The following SMARCD1 variants were observed in gnomAD, a reference collection of about 807,000 sequenced individuals.
SMARCD1 encodes the protein SWI/SNF-related matrix-associated actin-dependent regulator of chromatin subfamily D member 1.
A neutral mutation model predicts 70.8 loss-of-function variants in SMARCD1; 16 were observed. The observed-to-expected ratio is 0.23, with a 90% CI of 0.15 to 0.34. The LOEUF is 0.34. Among genes scored for constraint, SMARCD1 ranks in the 10% least tolerant of loss-of-function variants. The pLI, the probability that SMARCD1 is intolerant of heterozygous loss-of-function variation, is 1.00. For missense variants in SMARCD1, 409 were observed against 655.5 expected (o/e 0.62, Z 4.11); for synonymous variants, 249 against 246.0 (o/e 1.01, Z -0.11).
In SMARCD1 at chr12:50,090,512, T is replaced by C. The variant is rs1329250524; in HGVS notation, c.1055T>C (p.Met352Thr). 2 of 1,613,990 alleles carry C rather than the reference T, an allele frequency of 1.2e-6. No homozygotes were observed. Among genetic ancestry groups the C allele is most frequent in the South Asian group, 1.1e-5 (1 of 91,074 alleles). The change falls in exon 9 of 13, where the codon ATG becomes ACG. Residue 352 changes from methionine (M) to threonine (T), a missense_variant. Transcript: ENST00000394963. ...YLQQIFESQR[M>T]KFSEIPQRLH... ...CTACAGATCTTTGAGTCTCAACGTA[T>C]GAAGTTTTCAGAGATCCCTCAGCGG...
At chr12:50,085,705 G>A (rs780138983) in intron 1 of SMARCD1, 159 bp downstream of exon 1, 75 of 491,894 alleles carry the variant, frequency 1.5e-4, no homozygotes, top group Non-Finnish European at 2.3e-4. Flanking sequence ...GAGAGGGGGA[G>A]GCAGTTACAC....
In SMARCD1 at chr12:50,098,706, T is replaced by G; in HGVS notation, c.1393-8T>G. The G allele has an allele frequency of 6.2e-7, 1 of 1,608,762 alleles. No individual in the cohort carries two copies. The highest frequency in any genetic ancestry group is 2.2e-5 in the East Asian group (1 of 44,840). On this transcript the variant is annotated splice_region_variant and splice_polypyrimidine_tract_variant and intron_variant, in intron 11 of 12. Transcript: ENST00000394963. ...TCTTCCTCCACCCTGCATCTCCATT[T>G]CCCTCAGACAATGACTGATGTGGTG...
intron 11 of SMARCD1, chr12:50,098,363 T>C: frequency 3.4e-6 from 1 of 291,322 alleles, no homozygotes; most frequent in Non-Finnish European, 6.6e-6. Flanking sequence ...GAGACTCTGT[T>C]CTGTGCATCT....
Position 50,086,605 on chromosome 12 carries a change from T to C in SMARCD1, c.366-16T>C. 1 of 1,612,988 alleles carries C rather than the reference T, an allele frequency of 6.2e-7. No individual in the cohort carries two copies. Among genetic ancestry groups the C allele is most frequent in the Non-Finnish European group, 8.5e-7 (1 of 1,179,026 alleles). ...TAGTTCTGTCCCAACCTGATAATAG[T>C]ATTTATTCCCAACAGTGCAAAGAAA... On this transcript the variant is annotated splice_polypyrimidine_tract_variant and intron_variant, in intron 2 of 12. Coordinates refer to ENST00000394963, the MANE Select transcript of SMARCD1 (RefSeq NM_003076.5).
At chr12:50,086,373 AGG>A in intron 2 of SMARCD1, 25 bp downstream of exon 2, 1 of 664,184 alleles carries the variant, frequency 1.5e-6, no homozygotes, top group Non-Finnish European at 2.8e-6. Context: ...GGGCAGAGGG[AGG>A]GAGGGAGGGA....
Position 50,099,340 on chromosome 12 carries a change from G to T in SMARCD1, c.*340G>T. Reference sequence around the variant, plus strand: ...CCTCAGGCCAGGTGGTCTTCAAGGGGACCAGCTAACTGATCCTGCCCTTCA... The same window carrying T: ...CCTCAGGCCAGGTGGTCTTCAAGGGTACCAGCTAACTGATCCTGCCCTTCA... On this transcript the variant is annotated 3_prime_UTR_variant, in exon 13 of 13. Coordinates refer to ENST00000394963, the MANE Select transcript of SMARCD1 (RefSeq NM_003076.5). The T allele has an allele frequency of 4.2e-6, 2 of 480,352 alleles. No homozygotes were observed. Among genetic ancestry groups the T allele is most frequent in the South Asian group, 9.4e-5 (2 of 21,196 alleles). 29.8% of individuals were successfully genotyped at this position (480,352 alleles called of 1,614,324 possible).
rs557652525 is a variant in SMARCD1 at position 50,087,627 on chromosome 12, G to C, written c.654+142G>C. The C allele has an allele frequency of 8.2e-6, 8 of 979,908 alleles. No individual in the cohort carries two copies. In the South Asian group the frequency reaches 1.3e-4, roughly 16 times the overall value. The allele number at this position is 979,908 out of a possible 1,614,324, so 60.7% of individuals were successfully genotyped here. A position where few individuals can be genotyped will look rare whatever the true frequency, so the allele number is the denominator to read the frequency against. ...GGAGAGGGACACTGTTCCCTGCACT[G>C]AAAGACAGTGGTCCTTTGTGTTTGC... On this transcript the variant is annotated intron_variant, in intron 5 of 12. Transcript: ENST00000394963.
At chr12:50,093,042 G>T (rs1050869626) in intron 9 of SMARCD1, among the ~76,000 whole-genome samples, 5 of 151,908 alleles carry the variant, frequency 3.3e-5, no homozygotes, top group Admixed American at 6.5e-5. Context: ...TGGGCATGGT[G>T]GTGGGCGCCT....
At chr12:50,098,109 A>G (rs1207891541) in intron 11 of SMARCD1, among the ~76,000 whole-genome samples, 1 of 152,118 alleles carries the variant, frequency 6.6e-6, no homozygotes, top group East Asian at 1.9e-4. Context: ...TCCTGTGCTG[A>G]CTGTGACGAG....
intron 11 of SMARCD1, among the ~76,000 whole-genome samples, chr12:50,097,458 A>G (rs186436993): frequency 2.5e-4 from 38 of 152,252 alleles, no homozygotes; most frequent in Admixed American, 2.4e-3. Context: ...AGGCTAAGGC[A>G]GGAGAATTGC....
chr12:50,088,079 C>T (rs1378723276), intron 5 of SMARCD1, among the ~76,000 whole-genome samples: 2 of 152,190 alleles, frequency 1.3e-5, no homozygotes, highest in Admixed American at 6.5e-5. Flanking sequence ...TGCAGGAGAA[C>T]CAGGGCTCAG....
chr12:50,086,281 C>T lies in SMARCD1; in HGVS notation c.298C>T (p.Arg100Cys). The T allele has an allele frequency of 1.2e-6, 2 of 1,613,682 alleles. No individual in the cohort carries two copies. The highest frequency in any genetic ancestry group is 8.5e-7 in the Non-Finnish European group (1 of 1,179,788). The change falls in exon 2 of 13, where the codon CGC becomes TGC. Residue 100 changes from arginine to cysteine, a missense_variant. By Grantham distance (180) the Arg-to-Cys change is radical. This residue lies in a region of SMARCD1 where 140 missense variants were observed against 156.9 expected (regional missense o/e 0.89). Transcript: ENST00000394963. ...GLAQSGMDQS[R>C]KRPAPQQIQQ... ...GGCCCAGTCAGGGATGGATCAGTCCCGCAAGAGACCTGCCCCTCAGCAGAT... is the reference window on the plus strand; with the variant it reads ...GGCCCAGTCAGGGATGGATCAGTCCTGCAAGAGACCTGCCCCTCAGCAGAT...
At chr12:50,085,700 G>A (rs919317813) in intron 1 of SMARCD1, 154 bp downstream of exon 1, 1 of 516,538 alleles carries the variant, frequency 1.9e-6, no homozygotes. Context: ...AGAAAGAGAG[G>A]GGGAGGCAGT....
In SMARCD1 at chr12:50,100,416, C is replaced by T. The variant is rs1009901386; in HGVS notation, c.*1416C>T. On this transcript the variant is annotated 3_prime_UTR_variant, in exon 13 of 13. Coordinates refer to ENST00000394963, the MANE Select transcript of SMARCD1 (RefSeq NM_003076.5). The stretch of plus-strand genomic sequence containing the variant: ...AGCAGAATTTTCTCCCCGTCTTCCC[C>T]TTCCTGCCATTTTCCCTCCCTTGAA... 11 of 152,556 alleles carry T rather than the reference C, an allele frequency of 7.2e-5. No individual in the cohort carries two copies. Among genetic ancestry groups the T allele is most frequent in the African/African-American group, 2.4e-4 (10 of 41,472 alleles). 9.5% of individuals were successfully genotyped at this position (152,556 alleles called of 1,614,324 possible). A position where few individuals can be genotyped will look rare whatever the true frequency, so the allele number is the denominator to read the frequency against.
In SMARCD1 at chr12:50,085,723, C is replaced by T. The variant is rs1013624066; in HGVS notation, c.177+177C>T. On this transcript the variant is annotated intron_variant, in intron 1 of 12. Transcript: ENST00000394963. ...AGGGGGAGGCAGTTACACACCTGCT[C>T]CTAGGGGCATTGTTTCCCTGGGGAG... 5 of 476,268 alleles carry T rather than the reference C, an allele frequency of 1.0e-5. No homozygotes were observed. In the Admixed American group the frequency reaches 1.3e-4, roughly 13 times the overall value. The allele number at this position is 476,268 out of a possible 1,614,324, so 29.5% of individuals were successfully genotyped here.
chr12:50,085,378 C>T lies in SMARCD1; in HGVS notation c.9C>T (p.Ala3=), dbSNP rs1284953622. 7.9e-7 allele frequency: 1 copy of T among 1,263,982 alleles called. No homozygotes were observed. 78.3% of individuals were successfully genotyped at this position (1,263,982 alleles called of 1,614,324 possible). Reference sequence around the variant, plus strand: ...TCGGCGGCTCCGGGAAGATGGCGGCCCGGGCGGGTTTCCAGTCTGTGGCTC... The same window carrying T: ...TCGGCGGCTCCGGGAAGATGGCGGCTCGGGCGGGTTTCCAGTCTGTGGCTC... MA[A]RAGFQSVAPS... is the part of the protein sequence containing the mutation. The change falls in exon 1 of 13, where the codon GCC becomes GCT. Residue 3 remains alanine, a synonymous_variant. Coordinates refer to ENST00000394963, the MANE Select transcript of SMARCD1 (RefSeq NM_003076.5).
In SMARCD1 at chr12:50,086,324, A is replaced by G; in HGVS notation, c.341A>G (p.Gln114Arg). The change falls in exon 2 of 13, where the codon CAG becomes CGG. Residue 114 changes from glutamine to arginine, a missense_variant. Around this residue, in one of 2 missense-constraint regions of SMARCD1, gnomAD observed 140 missense variants for 156.9 expected, o/e 0.89. Transcript: ENST00000394963. ...CAGCAGATCCAGCAGGTCCAGCAGC[A>G]GGCGGTCCAAAATCGAAACCACAAG... ...APQQIQQVQQ[Q>R]AVQNRNHNAK... 6.9e-7 allele frequency: 1 copy of G among 1,442,906 alleles called. No individual in the cohort carries two copies. The highest frequency in any genetic ancestry group is 9.3e-7 in the Non-Finnish European group (1 of 1,073,300). The allele number at this position is 1,442,906 out of a possible 1,614,324, so 89.4% of individuals were successfully genotyped here.
Position 50,094,443 on chromosome 12 carries a change from C to T in SMARCD1, c.1140C>T (p.Asp380=). 1.2e-6 allele frequency: 2 copies of T among 1,613,874 alleles called. No individual in the cohort carries two copies. Among genetic ancestry groups the T allele is most frequent in the Non-Finnish European group, 1.7e-6 (2 of 1,179,906 alleles). Residue 380 remains aspartate (D), a synonymous_variant, in exon 10 of 13, where the codon GAC becomes GAT. Coordinates refer to ENST00000394963, the MANE Select transcript of SMARCD1 (RefSeq NM_003076.5). ...PIIINHVISV[D]PNDQKKTACY... is the part of the protein sequence containing the mutation. ...CCTTTGGTTTCCTGTCCAGTGTTGA[C>T]CCGAATGATCAGAAAAAGACAGCTT...
In SMARCD1 at chr12:50,088,525, C is replaced by G. The variant is rs1318804285; in HGVS notation, c.659C>G (p.Ala220Gly). The G allele has an allele frequency of 1.9e-6, 3 of 1,571,942 alleles. No homozygotes were observed. Among genetic ancestry groups the G allele is most frequent in the African/African-American group, 2.7e-5 (2 of 73,712 alleles). The change falls in exon 6 of 13, where the codon GCC becomes GGC. Residue 220 changes from alanine (A) to glycine (G), a missense_variant. Coordinates refer to ENST00000394963, the MANE Select transcript of SMARCD1 (RefSeq NM_003076.5). ...RVEGRLLEDS[A>G]LSKYDATKQK... is the part of the protein sequence containing the mutation. ...TTTTTATTTTCTCTCCTCTAGTCAGCCTTGTCCAAATATGATGCCACTAAA... is the reference window on the plus strand; with the variant it reads ...TTTTTATTTTCTCTCCTCTAGTCAGGCTTGTCCAAATATGATGCCACTAAA...
Sources: gnomAD v4.1 joint callset for allele counts (sites outside exome capture counted in the v4.1 genomes callset) on GRCh38, gnomAD v4.1.1 for gene constraint, gnomAD v4.1.1 regional missense constraint, MANE v1.5 for transcripts, NCBI Gene and HGNC (gene_info 2026-07-23, HGNC 2026-07-21) for gene names.